TRABD2B: variants seen among roughly 807,000 people sequenced by gnomAD.
TRABD2B encodes metalloprotease TIKI2.
Under a neutral mutation model 40.1 loss-of-function variants are expected in TRABD2B, and 14 were observed. That is an observed-to-expected ratio of 0.35 (90% CI 0.23 to 0.55). The LOEUF (loss-of-function observed/expected upper bound fraction) is 0.55, where lower values mean the gene tolerates loss of function less well. Ranked by LOEUF, TRABD2B falls within the 20% of genes least tolerant of loss-of-function variation. The pLI, the probability that TRABD2B is intolerant of heterozygous loss-of-function variation, is 0.90. For missense variants in TRABD2B, 541 were observed against 648.6 expected (o/e 0.83, Z 1.80); for synonymous variants, 263 against 277.0 (o/e 0.95, Z 0.50).
chr1:47,818,700 G>A (rs570173993), intron 2 of TRABD2B: 2 of 152,390 alleles, frequency 1.3e-5, no homozygotes, highest in South Asian at 2.1e-4. Context: ...GGAGAGGAAA[G>A]AGCGCTCCTC....
chr1:47,957,763 G>T (rs1448939658), intron 2 of TRABD2B, among the ~76,000 whole-genome samples: 1 of 152,178 alleles, frequency 6.6e-6, no homozygotes, highest in East Asian at 1.9e-4. Flanking sequence ...GGGGAGAATG[G>T]AACCAAGTTG....
intron 2 of TRABD2B, among the ~76,000 whole-genome samples, chr1:47,988,095 T>A (rs554240967): frequency 6.6e-6 from 1 of 152,164 alleles, no homozygotes; most frequent in African/African-American, 2.4e-5. Context: ...GGTATAACAC[T>A]GTGGGCTCCA....
At chr1:47,852,165 T>C (rs1645558368) in intron 2 of TRABD2B, among the ~76,000 whole-genome samples, 1 of 152,020 alleles carries the variant, frequency 6.6e-6, no homozygotes, top group South Asian at 2.1e-4. Flanking sequence ...GGGACTAGGC[T>C]CCCGAGAAAC....
chr1:47,876,584 T>C (rs1292514715), intron 2 of TRABD2B, among the ~76,000 whole-genome samples: 2 of 152,222 alleles, frequency 1.3e-5, no homozygotes, highest in Non-Finnish European at 2.9e-5. Context: ...TTCAGAGCTC[T>C]CTGGAGAAGT....
At chr1:47,820,703 C>T (rs1043316703) in intron 2 of TRABD2B, among the ~76,000 whole-genome samples, 1 of 151,858 alleles carries the variant, frequency 6.6e-6, no homozygotes, top group Non-Finnish European at 1.5e-5. Context: ...GGTCTCATGT[C>T]CGTCCTCCAT....
chr1:47,778,560 C>T lies in TRABD2B; in HGVS notation c.989-16G>A, dbSNP rs1569903546. 1 of 1,531,012 alleles carries T rather than the reference C, an allele frequency of 6.5e-7. No individual in the cohort carries two copies. Among genetic ancestry groups the T allele is most frequent in the African/African-American group, 1.4e-5 (1 of 73,066 alleles). 94.8% of individuals were successfully genotyped at this position (1,531,012 alleles called of 1,614,324 possible). ...AGAAAGTGACCTGGAACACAAGTGA[C>T]AAAAGGGGCTCAGCCACATGCCAGG... On this transcript the variant is annotated splice_polypyrimidine_tract_variant and intron_variant, in intron 4 of 6. Coordinates refer to ENST00000606738, the MANE Select transcript of TRABD2B (RefSeq NM_001194986.2).
intron 2 of TRABD2B, among the ~76,000 whole-genome samples, chr1:47,944,855 C>G (rs1645238786): frequency 6.6e-6 from 1 of 152,206 alleles, no homozygotes; most frequent in African/African-American, 2.4e-5. Context: ...CCTGGGCAAA[C>G]TTCCCGGGAG....
chr1:47,829,487 C>T (rs1645221253), intron 2 of TRABD2B, among the ~76,000 whole-genome samples: 1 of 152,160 alleles, frequency 6.6e-6, no homozygotes, highest in Non-Finnish European at 1.5e-5. Context: ...GCATAATCCA[C>T]ATCCGTCTGC....
intron 4 of TRABD2B, 110 bp downstream of exon 4, chr1:47,794,476 C>T (rs1644717870): frequency 3.2e-6 from 4 of 1,267,070 alleles, no homozygotes; most frequent in South Asian, 3.3e-5. Flanking sequence ...GTGGCTTTTC[C>T]TGCCCCATCC....
chr1:47,792,957 C>A (rs1049095989), intron 4 of TRABD2B, among the ~76,000 whole-genome samples: 3 of 152,006 alleles, frequency 2.0e-5, no homozygotes, highest in African/African-American at 7.3e-5. Context: ...GGAGGGAGGG[C>A]GGAAGAGGCA....
intron 2 of TRABD2B, among the ~76,000 whole-genome samples, chr1:47,964,310 C>T (rs1010956267): frequency 6.6e-6 from 1 of 152,186 alleles, no homozygotes; most frequent in African/African-American, 2.4e-5. Flanking sequence ...TAGCAGGTTC[C>T]AGACCCAAAA....
chr1:47,811,489 A>G (rs1432294833), intron 2 of TRABD2B, among the ~76,000 whole-genome samples: 1 of 152,084 alleles, frequency 6.6e-6, no homozygotes, highest in Non-Finnish European at 1.5e-5. Context: ...TTCTCCACCC[A>G]AAGACCACCC....
intron 2 of TRABD2B, among the ~76,000 whole-genome samples, chr1:47,811,482 T>C (rs1290079506): frequency 1.3e-5 from 2 of 152,180 alleles, no homozygotes; most frequent in Non-Finnish European, 2.9e-5. Context: ...GCTTAGTTTC[T>C]CCACCCAAAG....
intron 2 of TRABD2B, among the ~76,000 whole-genome samples, chr1:47,966,683 T>A (rs1180731767): frequency 6.6e-6 from 1 of 152,108 alleles, no homozygotes; most frequent in African/African-American, 2.4e-5. Flanking sequence ...GGTGGGCAGA[T>A]CACTTGAGGT....
chr1:47,831,176 CGG>C (rs936171036), intron 2 of TRABD2B, among the ~76,000 whole-genome samples: 7 of 151,994 alleles, frequency 4.6e-5, no homozygotes, highest in Non-Finnish European at 8.8e-5. Flanking sequence ...TGTCTGGAGA[CGG>C]GGGGCAAACT....
intron 6 of TRABD2B, among the ~76,000 whole-genome samples, chr1:47,774,435 G>A (rs955343380): frequency 6.6e-6 from 1 of 152,140 alleles, no homozygotes; most frequent in African/African-American, 2.4e-5. Flanking sequence ...TAAATATGGA[G>A]ACTCCTGCCA....
chr1:47,775,139 C>T lies in TRABD2B; in HGVS notation c.1349+31G>A. 4.1e-6 allele frequency: 5 copies of T among 1,232,896 alleles called. No individual in the cohort carries two copies. The East Asian group carries it at 9.5e-5, about 23-fold the overall frequency. The allele number at this position is 1,232,896 out of a possible 1,614,324, so 76.4% of individuals were successfully genotyped here. A position where few individuals can be genotyped will look rare whatever the true frequency, so the allele number is the denominator to read the frequency against. On this transcript the variant is annotated intron_variant, in intron 6 of 6. Transcript: ENST00000606738. ...TACTATCCCGGGTGCAGACGCCCAG[C>T]TCCTGGGCAGACCTGCCCTCCCTGG...
intron 2 of TRABD2B, among the ~76,000 whole-genome samples, chr1:47,845,453 C>T (rs1000802390): frequency 2.6e-5 from 4 of 152,202 alleles, no homozygotes; most frequent in Non-Finnish European, 5.9e-5. Context: ...ATCTATGCTA[C>T]AGGCACTATT....
At chr1:47,783,688 G>A (rs1644556660) in intron 4 of TRABD2B, among the ~76,000 whole-genome samples, 1 of 152,186 alleles carries the variant, frequency 6.6e-6, no homozygotes, top group Admixed American at 6.5e-5. Flanking sequence ...ATGTTTTAGT[G>A]CAAAGAAAAA....
Sources: allele counts gnomAD v4.1 joint callset (sites outside exome capture counted in the v4.1 genomes callset), GRCh38; gene constraint gnomAD v4.1.1; transcripts MANE v1.5; gene names NCBI Gene and HGNC (gene_info 2026-07-23, HGNC 2026-07-21).